The following TENM3 variants were observed in gnomAD, a reference collection of about 807,000 sequenced individuals.
TENM3 encodes teneurin-3.
In TENM3, 63 loss-of-function variants were observed where a neutral mutation model predicts 255.1. That is an observed-to-expected ratio of 0.25 (90% CI 0.20 to 0.30). TENM3 has a LOEUF of 0.30. TENM3 is among the 10% of genes least tolerant of loss of function. TENM3 has a pLI of 1.00. For missense variants in TENM3, 2,929 were observed against 3,461.1 expected (o/e 0.85, Z 3.86); for synonymous variants, 1,306 against 1,322.3 (o/e 0.99, Z 0.27).
chr4:181,760,362 A>C, the TENM3 span, among the ~76,000 whole-genome samples: 1 of 152,296 alleles, frequency 6.6e-6, no homozygotes, highest in East Asian at 1.9e-4. Context: ...TTGTTTTTAA[A>C]CTGCTAATAA....
At chr4:181,637,626 A>T in the TENM3 span, among the ~76,000 whole-genome samples, 2 of 152,146 alleles carry the variant, frequency 1.3e-5, no homozygotes, top group Non-Finnish European at 2.9e-5. Flanking sequence ...TCCTGACCTA[A>T]TTACCTCCGA....
Position 182,792,398 on chromosome 4 carries a change from G to A in TENM3, c.5726G>A (p.Gly1909Asp), listed in dbSNP as rs768083788. ...ACCATGCAGACCATCCGATCCATTG[G>A]CTACTACCGCAACATATACAACCCC... is the stretch of plus-strand genomic sequence containing the variant. ...RHTMQTIRSI[G>D]YYRNIYNPPE... is the part of the protein sequence containing the mutation. The change falls in exon 26 of 28, where the codon GGC becomes GAC. Residue 1909 changes from glycine to aspartate, a missense_variant. Physicochemically the swap from Gly to Asp is moderately conservative, Grantham distance 94. Coordinates refer to ENST00000511685, the MANE Select transcript of TENM3 (RefSeq NM_001080477.4). The surrounding 1 kb of genome is among the most constrained non-coding windows in gnomAD (Gnocchi z 6.3). 2 of 1,614,018 alleles carry A rather than the reference G, an allele frequency of 1.2e-6. No individual in the cohort carries two copies. Among genetic ancestry groups the A allele is most frequent in the East Asian group, 2.2e-5 (1 of 44,880 alleles).
the TENM3 span, among the ~76,000 whole-genome samples, chr4:181,662,863 G>C: frequency 2.0e-5 from 3 of 152,074 alleles, no homozygotes; most frequent in Non-Finnish European, 4.4e-5. Context: ...AGATAGGGTA[G>C]GAAAAGAGGA....
At chr4:182,436,698 C>G (rs1034363261) in intron 3 of TENM3, among the ~76,000 whole-genome samples, 2 of 152,292 alleles carry the variant, frequency 1.3e-5, no homozygotes, top group East Asian at 3.9e-4. Flanking sequence ...ACCTTGTTAC[C>G]TCTCTTGACT....
chr4:182,004,050 A>G, the TENM3 span, among the ~76,000 whole-genome samples: 6 of 152,254 alleles, frequency 3.9e-5, no homozygotes, highest in Admixed American at 3.9e-4. Context: ...GTGTAACCAT[A>G]TTGTAGTTGG....
At chr4:181,805,955 G>A in the TENM3 span, among the ~76,000 whole-genome samples, 3 of 152,012 alleles carry the variant, frequency 2.0e-5, no homozygotes, top group Admixed American at 6.6e-5. Flanking sequence ...TATTCCACCC[G>A]GATTCAGAGT....
intron 1 of TENM3, among the ~76,000 whole-genome samples, chr4:182,269,917 C>T (rs1269407658): frequency 1.3e-5 from 2 of 152,088 alleles, no homozygotes; most frequent in East Asian, 3.9e-4. Flanking sequence ...AGACATAAAT[C>T]AACACACGTA....
the TENM3 span, among the ~76,000 whole-genome samples, chr4:181,891,899 A>G: frequency 1.5e-4 from 23 of 152,240 alleles, no homozygotes; most frequent in African/African-American, 5.5e-4. Flanking sequence ...TGATTTAGCC[A>G]TTAAGCCATG....
At chr4:182,473,022 G>A (rs150209573) in intron 3 of TENM3, among the ~76,000 whole-genome samples, 72 of 152,106 alleles carry the variant, frequency 4.7e-4, no homozygotes, top group African/African-American at 8.7e-4. Flanking sequence ...TCTTCCAATC[G>A]GATGCTCACC....
the TENM3 span, among the ~76,000 whole-genome samples, chr4:181,868,316 C>A: frequency 6.6e-6 from 1 of 152,096 alleles, no homozygotes; most frequent in South Asian, 2.1e-4. Flanking sequence ...TCTAACACTG[C>A]AAATTTATTT....
At chr4:182,429,162 G>A (rs992631654) in intron 3 of TENM3, among the ~76,000 whole-genome samples, 4 of 152,190 alleles carry the variant, frequency 2.6e-5, no homozygotes, top group African/African-American at 9.7e-5. Flanking sequence ...CACTCAAAAA[G>A]TGTGATTTGC....
intron 1 of TENM3, among the ~76,000 whole-genome samples, chr4:182,166,960 G>C (rs1389968271): frequency 2.6e-5 from 4 of 152,190 alleles, no homozygotes; most frequent in South Asian, 2.1e-4. Flanking sequence ...AAGTTGTTTT[G>C]TGGATGACAT....
At chr4:182,244,516 A>G (rs1204685471) in intron 1 of TENM3, among the ~76,000 whole-genome samples, 1 of 152,180 alleles carries the variant, frequency 6.6e-6, no homozygotes, top group Non-Finnish European at 1.5e-5. Flanking sequence ...CACAGCCTCC[A>G]GGGTAGCTAA....
the TENM3 span, among the ~76,000 whole-genome samples, chr4:181,771,302 T>C: frequency 1.3e-5 from 2 of 152,180 alleles, no homozygotes; most frequent in African/African-American, 4.8e-5. Context: ...ATGGAGGGTA[T>C]AAGGACAGCA....
At chr4:181,966,145 C>T in the TENM3 span, among the ~76,000 whole-genome samples, 7 of 152,038 alleles carry the variant, frequency 4.6e-5, no homozygotes, top group Non-Finnish European at 8.8e-5. Context: ...TTTTTGACAC[C>T]CGATGAAGCC....
chr4:182,264,801 AG>A, intron 1 of TENM3, among the ~76,000 whole-genome samples: 1 of 152,228 alleles, frequency 6.6e-6, no homozygotes, highest in Non-Finnish European at 1.5e-5. Flanking sequence ...GAAATCTGAA[AG>A]GATTTCTTTT....
intron 1 of TENM3, among the ~76,000 whole-genome samples, chr4:182,203,591 G>A (rs898002271): frequency 5.9e-5 from 9 of 152,132 alleles, no homozygotes; most frequent in South Asian, 2.1e-4. Flanking sequence ...TTGGAGCAGC[G>A]GTTGCTCTTC....
chr4:181,585,519 G>T, the TENM3 span, among the ~76,000 whole-genome samples: 1 of 152,198 alleles, frequency 6.6e-6, no homozygotes, highest in Non-Finnish European at 1.5e-5. Context: ...ACTAAAAAAT[G>T]AGACTATTTA....
intron 12 of TENM3, among the ~76,000 whole-genome samples, chr4:182,710,004 T>C (rs1053609698): frequency 4.6e-5 from 7 of 152,224 alleles, no homozygotes; most frequent in Non-Finnish European, 8.8e-5. Context: ...TCTACAGCTT[T>C]GCATAATTGA....
Sources: gnomAD v4.1 joint callset for allele counts (sites outside exome capture counted in the v4.1 genomes callset) on GRCh38, gnomAD v4.1.1 for gene constraint, Gnocchi (gnomAD v3.1) non-coding constraint, MANE v1.5 for transcripts, NCBI Gene and HGNC (gene_info 2026-07-23, HGNC 2026-07-21) for gene names.